Variants in GLIS3 observed in about 807,000 individuals in gnomAD.
GLIS3 encodes the protein GLIS family zinc finger 3.
In GLIS3, 53 loss-of-function variants were observed where a neutral mutation model predicts 78.6. The observed-to-expected ratio is 0.67, with a 90% CI of 0.54 to 0.85. The LOEUF is 0.85. Ranked by LOEUF, GLIS3 falls within the 40% of genes least tolerant of loss-of-function variation. The probability of loss-of-function intolerance (pLI) is 0.00; values close to 1 mark genes in which losing one functional copy is unlikely to be tolerated. For missense variants in GLIS3, 1,703 were observed against 1,231.1 expected (o/e 1.38, Z -5.74); for synonymous variants, 684 against 509.9 (o/e 1.34, Z -4.60).
intron 2 of GLIS3, among the ~76,000 whole-genome samples, chr9:4,281,013 A>C (rs1343733170): frequency 6.6e-6 from 1 of 152,246 alleles, no homozygotes; most frequent in Non-Finnish European, 1.5e-5. Flanking sequence ...AGAAACACCT[A>C]AAGTTGCATT....
upstream of GLIS3, among the ~76,000 whole-genome samples, chr9:4,349,711 A>T (rs961455549): frequency 6.7e-6 from 1 of 148,440 alleles, no homozygotes; most frequent in Non-Finnish European, 1.5e-5. Flanking sequence ...GAAATGATGA[A>T]TAAAAGACAG....
At chr9:3,984,579 C>T in intron 4 of GLIS3, among the ~76,000 whole-genome samples, 1 of 152,140 alleles carries the variant, frequency 6.6e-6, no homozygotes. Flanking sequence ...AAAGGACTTG[C>T]CTTGTCTCAG....
intron 4 of GLIS3, among the ~76,000 whole-genome samples, chr9:4,032,069 C>G (rs1316079580): frequency 2.6e-5 from 4 of 152,106 alleles, no homozygotes; most frequent in African/African-American, 9.7e-5. Context: ...CAGACAAAGG[C>G]AGCCTGAGCA....
chr9:4,414,503 G>A, the GLIS3 span, among the ~76,000 whole-genome samples: 1 of 152,122 alleles, frequency 6.6e-6, no homozygotes, highest in Non-Finnish European at 1.5e-5. Context: ...ACAATTATAG[G>A]ATTGTTTTAA....
chr9:4,410,082 T>A, the GLIS3 span, among the ~76,000 whole-genome samples: 1 of 151,776 alleles, frequency 6.6e-6, no homozygotes, highest in African/African-American at 2.4e-5. Context: ...GTGATCCTAG[T>A]GCCTCAGCCT....
intron 4 of GLIS3, among the ~76,000 whole-genome samples, chr9:4,086,500 T>C (rs1402796561): frequency 1.3e-5 from 2 of 152,346 alleles, no homozygotes; most frequent in Admixed American, 6.5e-5. Flanking sequence ...AGAATGTTTA[T>C]TACATTGGGG....
At chr9:4,007,458 C>T (rs1295548234) in intron 4 of GLIS3, among the ~76,000 whole-genome samples, 2 of 152,098 alleles carry the variant, frequency 1.3e-5, no homozygotes, top group Admixed American at 6.6e-5. Context: ...TCTTCCTCTC[C>T]ATTTTCTGCC....
chr9:3,953,901 CAT>C (rs1461573355), intron 4 of GLIS3, among the ~76,000 whole-genome samples: 7 of 151,550 alleles, frequency 4.6e-5, no homozygotes, highest in African/African-American at 1.2e-4. Context: ...AAAAAGTAAA[CAT>C]GTGGCTTTAT....
At chr9:4,167,296 G>A (rs1191383439) in intron 2 of GLIS3, among the ~76,000 whole-genome samples, 1 of 152,082 alleles carries the variant, frequency 6.6e-6, no homozygotes, top group Non-Finnish European at 1.5e-5. Flanking sequence ...GATCCTGTGT[G>A]GGAGGTAACT....
At chr9:3,847,914 T>C (rs929426604) in intron 9 of GLIS3, among the ~76,000 whole-genome samples, 12 of 152,208 alleles carry the variant, frequency 7.9e-5, no homozygotes, top group East Asian at 1.9e-4. Flanking sequence ...ATGGCTGATA[T>C]GGAAAATTAT....
chr9:4,424,317 C>T, the GLIS3 span, among the ~76,000 whole-genome samples: 2 of 152,140 alleles, frequency 1.3e-5, no homozygotes, highest in East Asian at 3.8e-4. Context: ...GTTTCCCTAT[C>T]TGTGAAATTA....
At chr9:4,234,674 T>G (rs187941446) in intron 2 of GLIS3, among the ~76,000 whole-genome samples, 11 of 152,310 alleles carry the variant, frequency 7.2e-5, no homozygotes, top group Admixed American at 7.2e-4. Context: ...ATAGTGCCAA[T>G]GCACTTACTC....
At chr9:3,881,256 C>A (rs1362585962) in intron 7 of GLIS3, among the ~76,000 whole-genome samples, 3 of 152,114 alleles carry the variant, frequency 2.0e-5, no homozygotes, top group Non-Finnish European at 4.4e-5. Context: ...CATAGAGATA[C>A]TATGAAAACA....
rs1293884713 is a variant in GLIS3 at position 4,321,281 on chromosome 9, G to GCATC, written n.265-10754_265-10753insGATG. Among the ~76,000 whole-genome samples, 2 of 124,136 alleles carry GCATC rather than the reference G, an allele frequency of 1.6e-5. 1 individual carries two copies. The highest frequency in any genetic ancestry group is 3.2e-5 in the Non-Finnish European group (2 of 63,484). The allele number at this position is 124,136 out of a possible 152,430, so 81.4% of individuals were successfully genotyped here. A position where few individuals can be genotyped will look rare whatever the true frequency, so the allele number is the denominator to read the frequency against. ...TAAAAATACAAAAAAAATTAGCCGG[G>GCATC]AGTGGTGGCGGGCGCCTGTAGTCCC... is the stretch of plus-strand genomic sequence containing the variant. On this transcript the variant is annotated intron_variant and non_coding_transcript_variant, in intron 2 of 4. Transcript: ENST00000471664.
At chr9:4,205,511 G>A (rs1224397205) in intron 2 of GLIS3, among the ~76,000 whole-genome samples, 1 of 152,226 alleles carries the variant, frequency 6.6e-6, no homozygotes, top group South Asian at 2.1e-4. Context: ...ATGTGAGAAT[G>A]TGATGTCTGG....
At chr9:3,881,816 G>T (rs748412143) in intron 7 of GLIS3, among the ~76,000 whole-genome samples, 1 of 152,094 alleles carries the variant, frequency 6.6e-6, no homozygotes, top group African/African-American at 2.4e-5. Flanking sequence ...TCTATATATC[G>T]ATTTTACCAA....
intron 2 of GLIS3, among the ~76,000 whole-genome samples, chr9:4,275,031 A>C (rs1044750297): frequency 5.9e-5 from 9 of 152,254 alleles, no homozygotes; most frequent in African/African-American, 2.2e-4. Context: ...ACAAGCCACT[A>C]TCTATTGTGT....
chr9:4,335,422 T>C (rs891099088), intron 2 of GLIS3, among the ~76,000 whole-genome samples: 5 of 152,196 alleles, frequency 3.3e-5, no homozygotes, highest in African/African-American at 9.7e-5. Flanking sequence ...TTGCCAGATA[T>C]AGCAAATAAA....
chr9:4,181,131 G>C (rs940977762), intron 2 of GLIS3, among the ~76,000 whole-genome samples: 1 of 152,206 alleles, frequency 6.6e-6, no homozygotes, highest in African/African-American at 2.4e-5. Flanking sequence ...GAATGCTTTT[G>C]CCTGATGGTA....
Sources: gnomAD v4.1 joint callset for allele counts (sites outside exome capture counted in the v4.1 genomes callset) on GRCh38, gnomAD v4.1.1 for gene constraint, MANE v1.5 for transcripts, NCBI Gene and HGNC (gene_info 2026-07-23, HGNC 2026-07-21) for gene names.